The following GNAO1 variants were observed in gnomAD, a reference collection of about 807,000 sequenced individuals.
GNAO1 encodes the protein G protein subunit alpha o1.
For missense variants in GNAO1, 166 were observed against 478.7 expected (o/e 0.35, Z 6.10); for synonymous variants, 164 against 180.7 (o/e 0.91, Z 0.74).
rs374900999 is a variant in GNAO1 at position 56,313,426 on chromosome 16, T to C, written c.304-15205T>C. Among the ~76,000 whole-genome samples the C allele has an allele frequency of 6.7e-4, 102 of 152,298 alleles. 1 individual carries two copies. The South Asian group carries it at 0.019, about 28-fold the overall frequency. Reference sequence around the variant, plus strand: ...TACACATTAATATAAATAAAATTTTTATGGAAAAGTACTGTATTTTTCAAA... The same window carrying C: ...TACACATTAATATAAATAAAATTTTCATGGAAAAGTACTGTATTTTTCAAA... On this transcript the variant is annotated intron_variant, in intron 3 of 8. Coordinates refer to ENST00000262493, the MANE Select transcript of GNAO1 (RefSeq NM_020988.3).
intron 6 of GNAO1, among the ~76,000 whole-genome samples, chr16:56,338,500 G>A (rs186128923): frequency 1.1e-4 from 17 of 152,254 alleles, no homozygotes; most frequent in South Asian, 2.1e-4. Flanking sequence ...ATGCTATTAC[G>A]GCCACTGCTC....
chr16:56,343,530 A>G (rs1287617394), intron 6 of GNAO1, among the ~76,000 whole-genome samples: 4 of 151,160 alleles, frequency 2.6e-5, no homozygotes, highest in African/African-American at 7.3e-5. Flanking sequence ...ATACTGGGAG[A>G]CCTGATATTT....
At chr16:56,274,185 A>G (rs2037041834) in intron 2 of GNAO1, among the ~76,000 whole-genome samples, 1 of 151,494 alleles carries the variant, frequency 6.6e-6, no homozygotes, top group Non-Finnish European at 1.5e-5. Context: ...CCATCACCGG[A>G]CTCTCCTCCT....
chr16:56,221,990 G>A (rs2036493632), intron 2 of GNAO1, among the ~76,000 whole-genome samples: 1 of 152,206 alleles, frequency 6.6e-6, no homozygotes, highest in Non-Finnish European at 1.5e-5. Context: ...AAGAGGCTAG[G>A]TGGGATGTTG....
chr16:56,328,918 C>A, intron 4 of GNAO1, 127 bp downstream of exon 4: 2 of 885,214 alleles, frequency 2.3e-6, no homozygotes. Context: ...GAGATGTTCT[C>A]CCATAGGTAG....
At chr16:56,207,868 C>G (rs1405684911) in intron 2 of GNAO1, among the ~76,000 whole-genome samples, 1 of 152,138 alleles carries the variant, frequency 6.6e-6, no homozygotes, top group Non-Finnish European at 1.5e-5. Context: ...ATATGTTTTA[C>G]AGATTTTTAG....
intron 2 of GNAO1, among the ~76,000 whole-genome samples, chr16:56,267,930 C>G (rs1242743049): frequency 1.4e-5 from 2 of 147,426 alleles, no homozygotes; most frequent in Non-Finnish European, 3.0e-5. Context: ...TTATTGGGAG[C>G]TGGATCTTTT....
intron 2 of GNAO1, among the ~76,000 whole-genome samples, chr16:56,229,588 G>C (rs921541459): frequency 2.2e-4 from 34 of 151,970 alleles, no homozygotes; most frequent in Admixed American, 7.2e-4. Context: ...TGACAACCAG[G>C]CACTGTTCAT....
Position 56,356,949 on chromosome 16 carries a change from T to G in GNAO1, c.*875T>G, listed in dbSNP as rs1596884776. The G allele has an allele frequency of 6.6e-6, 1 of 151,006 alleles. No individual in the cohort carries two copies. The highest frequency in any genetic ancestry group is 1.5e-5 in the Non-Finnish European group (1 of 67,750). 9.4% of individuals were successfully genotyped at this position (151,006 alleles called of 1,614,324 possible). ...ACACCTCCCTTCGTGTGTGCGCCCC[T>G]CCCCACCCCTGCCTTTGTTTCGGTG... On this transcript the variant is annotated 3_prime_UTR_variant, in exon 9 of 9. Coordinates refer to ENST00000262493, the MANE Select transcript of GNAO1 (RefSeq NM_020988.3).
intron 6 of GNAO1, chr16:56,344,569 C>A (rs2037843530): frequency 7.1e-6 from 7 of 986,156 alleles, no homozygotes; most frequent in Non-Finnish European, 7.2e-6. Context: ...CCAGAGAACT[C>A]CCATCCCTGA....
At chr16:56,241,044 G>GGCC (rs2036689388) in intron 2 of GNAO1, among the ~76,000 whole-genome samples, 1 of 152,200 alleles carries the variant, frequency 6.6e-6, no homozygotes, top group Non-Finnish European at 1.5e-5. Flanking sequence ...TGTACATGGT[G>GGCC]GCCCAGGCTT....
chr16:56,281,437 G>A (rs1249791353), intron 3 of GNAO1, among the ~76,000 whole-genome samples: 1 of 151,976 alleles, frequency 6.6e-6, no homozygotes, highest in East Asian at 1.9e-4. Context: ...GAGCAAGGCT[G>A]GTCCTCTCTT....
intron 2 of GNAO1, among the ~76,000 whole-genome samples, chr16:56,260,979 G>A (rs1187224662): frequency 2.6e-5 from 4 of 152,188 alleles, no homozygotes; most frequent in African/African-American, 4.8e-5. Context: ...AAGGGGTGGC[G>A]CAGAGGGAAC....
At chr16:56,195,093 T>TC (rs773562754) in intron 2 of GNAO1, among the ~76,000 whole-genome samples, 4 of 28,772 alleles carry the variant, frequency 1.4e-4, no homozygotes, top group Non-Finnish European at 2.0e-4. Flanking sequence ...TTTTTTTTTT[T>TC]CCAACCTTAC....
intron 2 of GNAO1, among the ~76,000 whole-genome samples, chr16:56,246,684 C>T (rs1478904030): frequency 6.6e-6 from 1 of 152,148 alleles, no homozygotes; most frequent in Non-Finnish European, 1.5e-5. Context: ...AGCTTGTTCT[C>T]TGTGTGTCCA....
At position 56,267,416 on chromosome 16, in the gene GNAO1, C is replaced by T. The variant is rs116757600; in HGVS notation, c.162-8515C>T. 5.7e-3 allele frequency among the ~76,000 whole-genome samples: 866 copies of T among 152,350 alleles called. 9 individuals carry two copies. Among genetic ancestry groups the T allele is most frequent in the African/African-American group, 0.019 (800 of 41,582 alleles). ...GACTGGGGTCTCTGGCTTCCGGTCC[C>T]ACCGGCCAGCACGTGAGCTGCCTTC... is the stretch of plus-strand genomic sequence containing the variant. On this transcript the variant is annotated intron_variant, in intron 2 of 8. Transcript: ENST00000262493.
intron 2 of GNAO1, among the ~76,000 whole-genome samples, chr16:56,255,232 G>A (rs1260257859): frequency 2.0e-5 from 3 of 152,144 alleles, no homozygotes; most frequent in African/African-American, 4.8e-5. Flanking sequence ...GCAGGTGTGT[G>A]GCAATCTTCC....
At chr16:56,264,101 C>T (rs1596829216) in intron 2 of GNAO1, among the ~76,000 whole-genome samples, 3 of 152,354 alleles carry the variant, frequency 2.0e-5, no homozygotes, top group Admixed American at 2.0e-4. Context: ...TCCTCCACCA[C>T]CAAGGGGGAG....
intron 3 of GNAO1, among the ~76,000 whole-genome samples, chr16:56,301,415 C>G (rs112526146): frequency 2.6e-3 from 402 of 152,304 alleles, no homozygotes; most frequent in Non-Finnish European, 4.6e-3. Context: ...GACTCAAACC[C>G]CAGCTCTTGC....
Sources: gnomAD v4.1 joint callset for allele counts (sites outside exome capture counted in the v4.1 genomes callset) on GRCh38, gnomAD v4.1.1 for gene constraint, MANE v1.5 for transcripts, NCBI Gene and HGNC (gene_info 2026-07-23, HGNC 2026-07-21) for gene names.